DGKB: variants seen among roughly 807,000 people sequenced by gnomAD.
DGKB encodes the protein diacylglycerol kinase beta, also known as 90 kDa diacylglycerol kinase.
Under a neutral mutation model 114.3 loss-of-function variants are expected in DGKB, and 67 were observed. The ratio of observed to expected loss-of-function variants is 0.59; its 90% CI spans 0.48 to 0.72. The LOEUF (loss-of-function observed/expected upper bound fraction) is 0.72, where lower values mean the gene tolerates loss of function less well. Among genes scored for constraint, DGKB ranks in the 30% least tolerant of loss-of-function variants. DGKB has a pLI of 0.00. For synonymous variants in DGKB, 398 were observed against 323.1 expected (o/e 1.23, Z -2.49); for missense variants, 907 against 975.2 (o/e 0.93, Z 0.93).
At chr7:14,769,723 C>A (rs546517987) in intron 2 of DGKB, among the ~76,000 whole-genome samples, 1 of 151,990 alleles carries the variant, frequency 6.6e-6, no homozygotes, top group East Asian at 1.9e-4. Context: ...TTTCTGAAGG[C>A]TCTCATAGGA....
chr7:14,920,167 A>G (rs1328836596), intron 1 of DGKB, among the ~76,000 whole-genome samples: 1 of 152,230 alleles, frequency 6.6e-6, no homozygotes, highest in Non-Finnish European at 1.5e-5. Flanking sequence ...TAATTTGGAC[A>G]TTAAATTTAA....
chr7:14,625,219 C>T (rs1046216580), intron 14 of DGKB, among the ~76,000 whole-genome samples: 4 of 152,054 alleles, frequency 2.6e-5, no homozygotes, highest in Non-Finnish European at 5.9e-5. Context: ...ACACACGCAT[C>T]AAGAAAACCA....
At chr7:14,968,587 G>A (rs1324398600) in intron 1 of DGKB, among the ~76,000 whole-genome samples, 1 of 152,098 alleles carries the variant, frequency 6.6e-6, no homozygotes, top group Non-Finnish European at 1.5e-5. Context: ...CTCAGACTTT[G>A]AAGGAACCTG....
At chr7:14,640,171 G>A (rs1313069837) in intron 13 of DGKB, among the ~76,000 whole-genome samples, 2 of 152,142 alleles carry the variant, frequency 1.3e-5, no homozygotes, top group Admixed American at 1.3e-4. Context: ...AATTACATAA[G>A]TGTGCTGGAT....
chr7:14,178,689 A>G (rs921576420), intron 23 of DGKB, among the ~76,000 whole-genome samples: 1 of 152,142 alleles, frequency 6.6e-6, no homozygotes, highest in African/African-American at 2.4e-5. Context: ...GTAATAGGTA[A>G]CTGTACAGAA....
At chr7:14,787,900 A>G (rs1840121522) in intron 2 of DGKB, among the ~76,000 whole-genome samples, 1 of 152,092 alleles carries the variant, frequency 6.6e-6, no homozygotes, top group South Asian at 2.1e-4. Flanking sequence ...TGCTGCTAGC[A>G]AAGAGGAGGA....
chr7:14,506,749 AC>A (rs1429194440), intron 20 of DGKB, among the ~76,000 whole-genome samples: 1 of 152,154 alleles, frequency 6.6e-6, no homozygotes, highest in Non-Finnish European at 1.5e-5. Flanking sequence ...GGAATTTTCC[AC>A]ACAAAAAAGA....
chr7:14,523,495 T>C (rs571285212), intron 20 of DGKB, among the ~76,000 whole-genome samples: 2 of 152,290 alleles, frequency 1.3e-5, no homozygotes, highest in East Asian at 3.9e-4. Context: ...GCCTACAGTA[T>C]AGTCTTCCAT....
At chr7:14,778,102 G>C (rs1242488492) in intron 2 of DGKB, among the ~76,000 whole-genome samples, 2 of 152,198 alleles carry the variant, frequency 1.3e-5, no homozygotes, top group African/African-American at 4.8e-5. Context: ...CATTGTAGTA[G>C]AGTGATTACT....
intron 21 of DGKB, among the ~76,000 whole-genome samples, chr7:14,434,649 A>G (rs1828975948): frequency 6.6e-6 from 1 of 152,184 alleles, no homozygotes; most frequent in Non-Finnish European, 1.5e-5. Flanking sequence ...TAGAACCATA[A>G]GATAATACAT....
intron 23 of DGKB, among the ~76,000 whole-genome samples, chr7:14,196,648 G>A (rs187718970): frequency 7.9e-5 from 12 of 151,838 alleles, no homozygotes; most frequent in Middle Eastern, 6.8e-3. Context: ...TTGTCATTTC[G>A]ATCACAAAGT....
intron 2 of DGKB, among the ~76,000 whole-genome samples, chr7:14,788,874 C>T (rs1333369710): frequency 6.6e-6 from 1 of 152,090 alleles, no homozygotes; most frequent in African/African-American, 2.4e-5. Context: ...AATAATAAAA[C>T]CTGCTTTTAA....
intron 1 of DGKB, among the ~76,000 whole-genome samples, chr7:14,940,783 ATTTT>A (rs869054970): frequency 6.7e-6 from 1 of 149,434 alleles, no homozygotes; most frequent in African/African-American, 2.4e-5. Context: ...TTATTTATTT[ATTTT>A]TTATTTTTTG....
Position 14,145,850 on chromosome 7 carries a change from G to T in DGKB, c.*3281C>A, listed in dbSNP as rs968784889. On this transcript the variant is annotated 3_prime_UTR_variant, in exon 26 of 26. Coordinates refer to ENST00000402815, the MANE Select transcript of DGKB (RefSeq NM_001350709.2). Reference sequence around the variant, plus strand: ...AAATCTTGTCTCATTCAAGAATACAGTGTGAGATTCAAGGAGAATACAGTG... The same window carrying T: ...AAATCTTGTCTCATTCAAGAATACATTGTGAGATTCAAGGAGAATACAGTG... The T allele has an allele frequency of 6.6e-6, 1 of 152,322 alleles. No individual in the cohort carries two copies. The highest frequency in any genetic ancestry group is 3.4e-3 in the Middle Eastern group (1 of 294). The allele number at this position is 152,322 out of a possible 1,614,324, so 9.4% of individuals were successfully genotyped here.
intron 23 of DGKB, among the ~76,000 whole-genome samples, chr7:14,214,628 A>G (rs1420991798): frequency 6.6e-6 from 1 of 152,098 alleles, no homozygotes; most frequent in East Asian, 1.9e-4. Context: ...AAATAATCTT[A>G]AAAAACTGCT....
At chr7:14,905,675 A>G (rs561982455), upstream of DGKB, among the ~76,000 whole-genome samples, 6 of 152,284 alleles carry the variant, frequency 3.9e-5, no homozygotes, top group Admixed American at 2.6e-4. Flanking sequence ...AAATTTTGTA[A>G]TTTAATGATA....
At chr7:14,509,783 G>C (rs919951116) in intron 20 of DGKB, among the ~76,000 whole-genome samples, 2 of 152,210 alleles carry the variant, frequency 1.3e-5, no homozygotes, top group African/African-American at 4.8e-5. Flanking sequence ...GTCTCCGCCA[G>C]ACTCGGGGTA....
chr7:14,893,835 C>T (rs1432305144), intron 1 of DGKB, among the ~76,000 whole-genome samples: 1 of 151,320 alleles, frequency 6.6e-6, no homozygotes, highest in Non-Finnish European at 1.5e-5. Context: ...TCTCCTATAG[C>T]AACATGTGCC....
intron 21 of DGKB, among the ~76,000 whole-genome samples, chr7:14,453,920 G>T (rs1354798426): frequency 6.6e-6 from 1 of 152,166 alleles, no homozygotes; most frequent in Non-Finnish European, 1.5e-5. Context: ...TTATCAGTGG[G>T]AAGTATGTAT....
Sources: allele counts gnomAD v4.1 joint callset (sites outside exome capture counted in the v4.1 genomes callset), GRCh38; gene constraint gnomAD v4.1.1; transcripts MANE v1.5; gene names NCBI Gene and HGNC (gene_info 2026-07-23, HGNC 2026-07-21).